Variants in ZFYVE9 observed in about 807,000 individuals in gnomAD.
ZFYVE9 encodes zinc finger FYVE-type containing 9.
In ZFYVE9, 43 loss-of-function variants were observed where a neutral mutation model predicts 126.7. That is an observed-to-expected ratio of 0.34 (90% confidence interval 0.27 to 0.44). ZFYVE9 has a LOEUF of 0.44. Among genes scored for constraint, ZFYVE9 ranks in the 20% least tolerant of loss-of-function variants. The pLI is 1.00. For synonymous variants in ZFYVE9, 521 were observed against 597.4 expected (o/e 0.87, Z 1.87); for missense variants, 1,476 against 1,697.0 (o/e 0.87, Z 2.29).
chr1:52,174,947 A>G lies in ZFYVE9; in HGVS notation c.-143+32544A>G, dbSNP rs555741043. The stretch of plus-strand genomic sequence containing the variant: ...GAATACAGCACACTGATGGGTCTTG[A>G]CTCTTTATCCAATTTGCCAGTCTGT... On this transcript the variant is annotated intron_variant, in intron 1 of 18. Transcript: ENST00000287727. 2.6e-4 allele frequency among the ~76,000 whole-genome samples: 39 copies of G among 151,982 alleles called. 1 individual carries two copies. In the South Asian group the frequency reaches 7.5e-3, roughly 29 times the overall value.
intron 6 of ZFYVE9, among the ~76,000 whole-genome samples, chr1:52,267,463 G>A (rs187341744): frequency 6.6e-6 from 1 of 152,208 alleles, no homozygotes; most frequent in Non-Finnish European, 1.5e-5. Context: ...AGGGGATTAT[G>A]AATAGTAAAA....
At chr1:52,163,118 A>T (rs779351620) in intron 1 of ZFYVE9, 12 of 215,286 alleles carry the variant, frequency 5.6e-5, no homozygotes, top group Non-Finnish European at 2.5e-5. Context: ...AACAATTCAA[A>T]ATAGCCTTAA....
intron 10 of ZFYVE9, among the ~76,000 whole-genome samples, chr1:52,292,048 G>A (rs962031422): frequency 3.9e-5 from 6 of 152,046 alleles, no homozygotes; most frequent in Non-Finnish European, 7.4e-5. Context: ...GGAGGCCAAG[G>A]CAGATGGATC....
At chr1:52,291,818 C>T (rs537708214) in intron 10 of ZFYVE9, among the ~76,000 whole-genome samples, 1 of 140,984 alleles carries the variant, frequency 7.1e-6, no homozygotes, top group Non-Finnish European at 1.5e-5. Context: ...GGAGAGGTTG[C>T]AGTGAGCTGA....
intron 13 of ZFYVE9, among the ~76,000 whole-genome samples, chr1:52,306,168 C>G (rs1026585326): frequency 6.6e-6 from 1 of 152,164 alleles, no homozygotes; most frequent in African/African-American, 2.4e-5. Flanking sequence ...CTCAGCCTGC[C>G]CATGGCTGTC....
chr1:52,189,083 A>G (rs1268265845), intron 1 of ZFYVE9, among the ~76,000 whole-genome samples: 1 of 147,672 alleles, frequency 6.8e-6, no homozygotes, highest in Non-Finnish European at 1.5e-5. Flanking sequence ...GATTACAGGC[A>G]CCTACCACCA....
rs745783781 is a variant in ZFYVE9, at chr1:52,337,789, A to C, written c.3688A>C (p.Ile1230Leu). The change falls in exon 16 of 19, where the codon ATT (isoleucine) becomes CTT (leucine). Residue 1230 changes from isoleucine (I) to leucine (L), a missense_variant. Physicochemically the swap from Ile to Leu is conservative, Grantham distance 5. Around this residue, in one of 2 missense-constraint regions of ZFYVE9, gnomAD observed 669 missense variants for 902.4 expected, o/e 0.74. Coordinates refer to ENST00000287727, the MANE Select transcript of ZFYVE9 (RefSeq NM_004799.4). ...SIVEDGVMVQ[I>L]TAENMDSLRQ... ...ATTCTTAGATGGTGTTATGGTCCAGATTACTGCAGAGAACATGGATTCCTT... is the reference window on the plus strand; with the variant it reads ...ATTCTTAGATGGTGTTATGGTCCAGCTTACTGCAGAGAACATGGATTCCTT... The C allele has an allele frequency of 6.2e-7, 1 of 1,614,210 alleles. No homozygotes were observed. Among genetic ancestry groups the C allele is most frequent in the Non-Finnish European group, 8.5e-7 (1 of 1,180,018 alleles).
intron 1 of ZFYVE9, chr1:52,162,498 G>C (rs903944172): frequency 3.9e-6 from 1 of 255,672 alleles, no homozygotes; most frequent in African/African-American, 2.3e-5. Context: ...CCTTACCATA[G>C]CCTCCTTTGA....
At chr1:52,212,400 G>A (rs1318160320) in intron 1 of ZFYVE9, among the ~76,000 whole-genome samples, 2 of 152,184 alleles carry the variant, frequency 1.3e-5, no homozygotes, top group Non-Finnish European at 2.9e-5. Flanking sequence ...ACCCACCTTG[G>A]CCTCCCAAAG....
intron 7 of ZFYVE9, among the ~76,000 whole-genome samples, chr1:52,271,257 AT>A (rs1645689365): frequency 1.3e-5 from 2 of 152,192 alleles, no homozygotes; most frequent in Non-Finnish European, 2.9e-5. Flanking sequence ...GCTAAGCCAC[AT>A]TATTTTGTGC....
intron 12 of ZFYVE9, among the ~76,000 whole-genome samples, chr1:52,300,314 G>C (rs998026343): frequency 6.6e-6 from 1 of 152,152 alleles, no homozygotes; most frequent in African/African-American, 2.4e-5. Context: ...AGTCTTGGCT[G>C]GGCGTAGTGG....
In ZFYVE9 at chr1:52,281,908, T is replaced by G. The variant is rs1451406854; in HGVS notation, c.3025+92T>G. 3.4e-6 allele frequency: 5 copies of G among 1,451,890 alleles called. No homozygotes were observed. The African/African-American group carries it at 5.7e-5, about 16-fold the overall frequency. 89.9% of individuals were successfully genotyped at this position (1,451,890 alleles called of 1,614,324 possible). A position where few individuals can be genotyped will look rare whatever the true frequency, so the allele number is the denominator to read the frequency against. ...AAAATAATAGTCTTAACTTTGGACT[T>G]AAGCATGGCAGGGGACTTTGATATT... is the stretch of plus-strand genomic sequence containing the variant. On this transcript the variant is annotated intron_variant, in intron 10 of 18. Transcript: ENST00000287727.
At chr1:52,144,598 A>AT (rs951241296) in intron 1 of ZFYVE9, among the ~76,000 whole-genome samples, 3 of 151,778 alleles carry the variant, frequency 2.0e-5, no homozygotes, top group African/African-American at 7.3e-5. Flanking sequence ...TAGCAAAACT[A>AT]TAAGTCTTTA....
intron 4 of ZFYVE9, among the ~76,000 whole-genome samples, chr1:52,255,566 C>T (rs915279496): frequency 2.7e-5 from 3 of 109,632 alleles, no homozygotes; most frequent in Non-Finnish European, 5.4e-5. Context: ...GCCTGGGCAA[C>T]AAGAGCAAAA....
chr1:52,269,624 T>C (rs1423596921), intron 7 of ZFYVE9, among the ~76,000 whole-genome samples: 1 of 152,218 alleles, frequency 6.6e-6, no homozygotes, highest in Non-Finnish European at 1.5e-5. Context: ...TGGTGAGTTA[T>C]TGAACCATGT....
chr1:52,284,996 A>C (rs886544677), intron 10 of ZFYVE9, among the ~76,000 whole-genome samples: 1 of 152,208 alleles, frequency 6.6e-6, no homozygotes, highest in African/African-American at 2.4e-5. Flanking sequence ...CAACTCATCA[A>C]ATATTGGGAC....
intron 2 of ZFYVE9, among the ~76,000 whole-genome samples, chr1:52,232,504 G>A (rs749169749): frequency 1.8e-4 from 28 of 151,976 alleles, no homozygotes; most frequent in African/African-American, 2.7e-4. Flanking sequence ...TGAGGTGGGC[G>A]GATCACTTGA....
In ZFYVE9 at chr1:52,274,604, A is replaced by C. The variant is rs373147102; in HGVS notation, c.2746+20A>C. ...AAGGAGGTAAGTGGACTACATATTT[A>C]AACAGTGATAGTTCTATCTGCCAAA... On this transcript the variant is annotated intron_variant, in intron 8 of 18. Transcript: ENST00000287727. 2 of 1,587,958 alleles carry C rather than the reference A, an allele frequency of 1.3e-6. No individual in the cohort carries two copies. Among genetic ancestry groups the C allele is most frequent in the Non-Finnish European group, 1.7e-6 (2 of 1,162,052 alleles).
rs187338160 is a variant in ZFYVE9 at position 52,336,520 on chromosome 1, C to T, written c.3671-1252C>T. ...TACAGTTGTGCGCCAACACGCCCAG[C>T]TAATTTTTTTGTATTTTTAGTAGAG... is the stretch of plus-strand genomic sequence containing the variant. On this transcript the variant is annotated intron_variant, in intron 15 of 18. Coordinates refer to ENST00000287727, the MANE Select transcript of ZFYVE9 (RefSeq NM_004799.4). Among the ~76,000 whole-genome samples, 1,120 of 151,938 alleles carry T rather than the reference C, an allele frequency of 7.4e-3. 15 individuals carry two copies. Among genetic ancestry groups the T allele is most frequent in the African/African-American group, 0.026 (1,079 of 41,424 alleles).
Sources: allele counts gnomAD v4.1 joint callset (sites outside exome capture counted in the v4.1 genomes callset), GRCh38; gene constraint gnomAD v4.1.1; regional missense constraint gnomAD v4.1.1; transcripts MANE v1.5; gene names NCBI Gene and HGNC (gene_info 2026-07-23, HGNC 2026-07-21).